The following TRAF3 variants were observed in gnomAD, a reference collection of about 807,000 sequenced individuals.
TRAF3 encodes the protein TNF receptor-associated factor 3.
A neutral mutation model predicts 62.3 loss-of-function variants in TRAF3; 13 were observed. The observed-to-expected ratio is 0.21, with a 90% CI of 0.14 to 0.33. TRAF3 has a LOEUF of 0.33. Ranked by LOEUF, TRAF3 falls within the 10% of genes least tolerant of loss-of-function variation. The pLI is 1.00. For synonymous variants in TRAF3, 269 were observed against 283.4 expected (o/e 0.95, Z 0.51); for missense variants, 440 against 741.8 (o/e 0.59, Z 4.73).
At chr14:102,902,178 T>C (rs1211174509) in intron 10 of TRAF3, among the ~76,000 whole-genome samples, 1 of 152,232 alleles carries the variant, frequency 6.6e-6, no homozygotes, top group African/African-American at 2.4e-5. Context: ...TCAGGCCTGG[T>C]TACTGGCAGC....
In TRAF3 at chr14:102,810,872, C is replaced by T. The variant is rs567595933; in HGVS notation, c.-156-19462C>T. On this transcript the variant is annotated intron_variant, in intron 1 of 11. Coordinates refer to ENST00000392745, the MANE Select transcript of TRAF3 (RefSeq NM_145725.3). ...GAGATGAAACGTAGAAAAGGTACCC[C>T]GAGTCCATTACACATTCTGGATTCC... 6.6e-5 allele frequency: 10 copies of T among 152,254 alleles called. No homozygotes were observed. The South Asian group carries it at 1.2e-3, about 19-fold the overall frequency. 9.4% of individuals were successfully genotyped at this position (152,254 alleles called of 1,614,324 possible). A position where few individuals can be genotyped will look rare whatever the true frequency, so the allele number is the denominator to read the frequency against.
At chr14:102,889,539 C>T (rs1194967277) in intron 7 of TRAF3, 21 bp from the exon 8 acceptor site, 5 of 1,613,496 alleles carry the variant, frequency 3.1e-6, no homozygotes, top group South Asian at 1.1e-5. Flanking sequence ...TGCCACAACT[C>T]ACGTCTCTTT....
At chr14:102,803,687 AC>A (rs1433071827) in intron 1 of TRAF3, among the ~76,000 whole-genome samples, 1 of 151,288 alleles carries the variant, frequency 6.6e-6, no homozygotes, top group Non-Finnish European at 1.5e-5. Context: ...CTGGGTGTGC[AC>A]CCTGCACCCA....
intron 7 of TRAF3, 105 bp downstream of exon 7, chr14:102,886,374 G>A: frequency 9.8e-7 from 1 of 1,016,694 alleles, no homozygotes; most frequent in South Asian, 1.4e-5. Context: ...CAGTTCGTGA[G>A]AGTCATGTGT....
intron 1 of TRAF3, among the ~76,000 whole-genome samples, chr14:102,815,597 A>G (rs968622434): frequency 5.9e-5 from 9 of 152,136 alleles, no homozygotes; most frequent in Admixed American, 2.6e-4. Flanking sequence ...ATTCTTTTAC[A>G]TGTGTATATT....
At chr14:102,844,773 G>A (rs1329822837) in intron 2 of TRAF3, among the ~76,000 whole-genome samples, 1 of 152,078 alleles carries the variant, frequency 6.6e-6, no homozygotes, top group African/African-American at 2.4e-5. Flanking sequence ...AGGTGTGGTG[G>A]CTCATGCCTG....
chr14:102,792,965 A>G (rs1897884966), intron 1 of TRAF3, among the ~76,000 whole-genome samples: 1 of 151,602 alleles, frequency 6.6e-6, no homozygotes, highest in Non-Finnish European at 1.5e-5. Flanking sequence ...ATGCACCATC[A>G]TGCCTGGCTA....
At chr14:102,811,681 GT>G (rs1566749768) in intron 1 of TRAF3, among the ~76,000 whole-genome samples, 2 of 149,022 alleles carry the variant, frequency 1.3e-5, no homozygotes, top group African/African-American at 4.9e-5. Flanking sequence ...TTGATCGGAA[GT>G]TGCTAAGATG....
At chr14:102,905,086 T>C in intron 11 of TRAF3, 127 bp from the exon 12 acceptor site, 1 of 987,162 alleles carries the variant, frequency 1.0e-6, no homozygotes, top group Non-Finnish European at 1.5e-6. Context: ...CACTCCAGTC[T>C]GGGCAACAGA....
At chr14:102,808,623 GA>G (rs1266771959) in intron 1 of TRAF3, among the ~76,000 whole-genome samples, 1 of 152,128 alleles carries the variant, frequency 6.6e-6, no homozygotes, top group Non-Finnish European at 1.5e-5. Context: ...GGATTTGTTG[GA>G]ACAGAAAAAC....
intron 9 of TRAF3, chr14:102,895,206 C>A: frequency 2.3e-6 from 1 of 442,726 alleles, no homozygotes; most frequent in Non-Finnish European, 4.6e-6. Flanking sequence ...GCAGGTTGAT[C>A]ACTTGTAGGA....
chr14:102,881,778 T>C (rs1185455288), intron 6 of TRAF3, among the ~76,000 whole-genome samples: 6 of 152,240 alleles, frequency 3.9e-5, no homozygotes, highest in Non-Finnish European at 7.3e-5. Flanking sequence ...TATATTTTGC[T>C]TCTTGCCAAA....
At chr14:102,843,834 A>G (rs1886529249) in intron 2 of TRAF3, among the ~76,000 whole-genome samples, 1 of 152,190 alleles carries the variant, frequency 6.6e-6, no homozygotes, top group Non-Finnish European at 1.5e-5. Flanking sequence ...AAAGTGGTAA[A>G]ATTGACAAAG....
chr14:102,844,556 G>A (rs979328669), intron 2 of TRAF3, among the ~76,000 whole-genome samples: 1 of 152,220 alleles, frequency 6.6e-6, no homozygotes, highest in African/African-American at 2.4e-5. Context: ...CTGGGCCCAG[G>A]TGTTGGAGTC....
chr14:102,798,875 A>G (rs1898239974), intron 1 of TRAF3, among the ~76,000 whole-genome samples: 1 of 152,254 alleles, frequency 6.6e-6, no homozygotes, highest in Non-Finnish European at 1.5e-5. Flanking sequence ...GTTCTCAGGA[A>G]ATTCAGACTG....
At chr14:102,901,786 A>C (rs1890315843) in intron 10 of TRAF3, among the ~76,000 whole-genome samples, 1 of 152,254 alleles carries the variant, frequency 6.6e-6, no homozygotes, top group African/African-American at 2.4e-5. Flanking sequence ...TTTGTGGTTA[A>C]TAACAGCCAG....
At chr14:102,887,983 C>G (rs1161884364) in intron 7 of TRAF3, among the ~76,000 whole-genome samples, 1 of 152,006 alleles carries the variant, frequency 6.6e-6, no homozygotes, top group Non-Finnish European at 1.5e-5. Context: ...TATTCTTGCC[C>G]CTATTCCAGA....
intron 2 of TRAF3, among the ~76,000 whole-genome samples, chr14:102,863,060 T>G (rs530189308): frequency 2.6e-5 from 4 of 152,338 alleles, no homozygotes; most frequent in African/African-American, 9.6e-5. Context: ...TTTGAACATA[T>G]TTAAAATAGC....
At position 102,875,704 on chromosome 14, in the gene TRAF3, G is replaced by A. The variant is rs1264645806; in HGVS notation, c.378G>A (p.Glu126=). The A allele has an allele frequency of 6.2e-7, 1 of 1,613,978 alleles. No individual in the cohort carries two copies. Among genetic ancestry groups the A allele is most frequent in the East Asian group, 2.2e-5 (1 of 44,898 alleles). The stretch of plus-strand genomic sequence containing the variant: ...GGAATGAAAGCAGAGGTTGTGCAGA[G>A]CAGTTAATGCTGGGACATCTGCTGG... ...YCRNESRGCA[E]QLMLGHLLVH... Residue 126 remains glutamate, a synonymous_variant, in exon 5 of 12, where the codon GAG becomes GAA. Coordinates refer to ENST00000392745, the MANE Select transcript of TRAF3 (RefSeq NM_145725.3).
Sources: gnomAD v4.1 joint callset for allele counts (sites outside exome capture counted in the v4.1 genomes callset) on GRCh38, gnomAD v4.1.1 for gene constraint, MANE v1.5 for transcripts, NCBI Gene and HGNC (gene_info 2026-07-23, HGNC 2026-07-21) for gene names.